RIMS2: variants seen among roughly 807,000 people sequenced by gnomAD.
RIMS2 encodes the protein regulating synaptic membrane exocytosis 2.
Under a neutral mutation model 174.4 loss-of-function variants are expected in RIMS2, and 59 were observed. The ratio of observed to expected loss-of-function variants is 0.34; its 90% CI spans 0.27 to 0.42. The LOEUF is 0.42. Among genes scored for constraint, RIMS2 ranks in the 10% least tolerant of loss-of-function variants. RIMS2 has a pLI of 1.00. For missense variants in RIMS2, 1,620 were observed against 1,666.3 expected, an observed-to-expected ratio of 0.97 and a Z score of 0.48; for synonymous variants, 606 against 572.5, an observed-to-expected ratio of 1.06 and a Z score of -0.84.
intron 19 of RIMS2, among the ~76,000 whole-genome samples, chr8:104,213,712 A>G (rs2099115912): frequency 6.6e-6 from 1 of 152,104 alleles, no homozygotes; most frequent in Non-Finnish European, 1.5e-5. Context: ...CCCCGTCTCT[A>G]CTAAAAATAC....
chr8:103,614,497 G>C (rs2095460986), intron 1 of RIMS2, among the ~76,000 whole-genome samples: 1 of 152,226 alleles, frequency 6.6e-6, no homozygotes, highest in African/African-American at 2.4e-5. Context: ...GCCAGTTACT[G>C]TGATTGCTCA....
At chr8:103,780,490 C>T (rs1048716124) in intron 3 of RIMS2, among the ~76,000 whole-genome samples, 9 of 151,996 alleles carry the variant, frequency 5.9e-5, no homozygotes, top group African/African-American at 2.2e-4. Context: ...TCAAGCTCTC[C>T]GATTCTTTCC....
chr8:103,931,522 G>T, intron 12 of RIMS2, 129 bp downstream of exon 14: 1 of 553,810 alleles, frequency 1.8e-6, no homozygotes. Context: ...ACATAAACGT[G>T]ATGTTCTTAG....
chr8:103,920,843 CAA>C, intron 9 of RIMS2: 1 of 345,232 alleles, frequency 2.9e-6, no homozygotes, highest in African/African-American at 2.3e-5. Context: ...AAAAAAAATA[CAA>C]AAAATTATCC....
At chr8:104,077,723 A>G (rs1382886045) in intron 19 of RIMS2, among the ~76,000 whole-genome samples, 4 of 145,024 alleles carry the variant, frequency 2.8e-5, no homozygotes, top group African/African-American at 1.0e-4. Context: ...GTGTATGTGT[A>G]AACACAGATG....
At chr8:103,554,525 C>G (rs1056806109) in intron 1 of RIMS2, among the ~76,000 whole-genome samples, 3 of 152,204 alleles carry the variant, frequency 2.0e-5, no homozygotes, top group African/African-American at 4.8e-5. Context: ...ATTAAAAGGT[C>G]AAAGAGTAAC....
At chr8:103,577,303 G>C (rs1053802664) in intron 1 of RIMS2, among the ~76,000 whole-genome samples, 4 of 152,170 alleles carry the variant, frequency 2.6e-5, no homozygotes, top group Non-Finnish European at 1.5e-5. Context: ...CATCTATGCA[G>C]CCAACAGACA....
intron 19 of RIMS2, among the ~76,000 whole-genome samples, chr8:104,153,446 A>C (rs1262822413): frequency 6.6e-6 from 1 of 152,202 alleles, no homozygotes; most frequent in Non-Finnish European, 1.5e-5. Context: ...AAAGTACATT[A>C]AAATCACATG....
chr8:104,212,890 G>A (rs2099111609), intron 19 of RIMS2, among the ~76,000 whole-genome samples: 1 of 152,194 alleles, frequency 6.6e-6, no homozygotes, highest in Non-Finnish European at 1.5e-5. Context: ...AGAAATGGTT[G>A]AGTATGGTGG....
chr8:103,821,792 C>T (rs1381831282), intron 3 of RIMS2, among the ~76,000 whole-genome samples: 1 of 151,438 alleles, frequency 6.6e-6, no homozygotes, highest in Non-Finnish European at 1.5e-5. Flanking sequence ...AGACTTTCCA[C>T]TTTAGTATAG....
At chr8:103,756,393 T>G (rs922565625) in intron 2 of RIMS2, among the ~76,000 whole-genome samples, 3 of 150,824 alleles carry the variant, frequency 2.0e-5, no homozygotes, top group African/African-American at 7.3e-5. Flanking sequence ...TGTTTTTGTT[T>G]TTTTTTTTTT....
intron 3 of RIMS2, among the ~76,000 whole-genome samples, chr8:103,814,215 T>A (rs2098705241): frequency 6.6e-6 from 1 of 151,946 alleles, no homozygotes; most frequent in Admixed American, 6.6e-5. Flanking sequence ...CGTGGACACA[T>A]AGAGGGGAAC....
intron 3 of RIMS2, chr8:103,768,694 A>G (rs2098210838): frequency 1.3e-6 from 1 of 773,500 alleles, no homozygotes; most frequent in Non-Finnish European, 2.4e-6. Flanking sequence ...CAAAAGAGCT[A>G]GCAGAATCCA....
chr8:103,828,453 GT>G (rs976201371), intron 3 of RIMS2, among the ~76,000 whole-genome samples: 1 of 152,060 alleles, frequency 6.6e-6, no homozygotes, highest in African/African-American at 2.4e-5. Context: ...TTGTTAATTT[GT>G]TTAAGTTCCT....
intron 1 of RIMS2, among the ~76,000 whole-genome samples, chr8:103,625,359 G>C (rs993375107): frequency 1.3e-5 from 2 of 152,098 alleles, no homozygotes; most frequent in African/African-American, 4.8e-5. Context: ...TCACATTCTG[G>C]TTGAAGAGCT....
chr8:103,822,942 C>T (rs1017292865), intron 3 of RIMS2, among the ~76,000 whole-genome samples: 2 of 151,832 alleles, frequency 1.3e-5, no homozygotes, highest in Admixed American at 6.6e-5. Flanking sequence ...AATATTGAGA[C>T]GCTAGAAGAT....
intron 1 of RIMS2, among the ~76,000 whole-genome samples, chr8:103,551,194 T>C (rs1391648205): frequency 6.6e-6 from 1 of 151,992 alleles, no homozygotes; most frequent in African/African-American, 2.4e-5. Context: ...GATGCAAAAA[T>C]CCTCAATACA....
At chr8:104,023,892 G>C (rs2096179141) in intron 19 of RIMS2, among the ~76,000 whole-genome samples, 1 of 152,088 alleles carries the variant, frequency 6.6e-6, no homozygotes, top group Non-Finnish European at 1.5e-5. Context: ...GAAAAAAGTG[G>C]GAGAAGAGGG....
intron 3 of RIMS2, among the ~76,000 whole-genome samples, chr8:103,781,603 A>G (rs1034368235): frequency 2.6e-5 from 4 of 152,150 alleles, no homozygotes; most frequent in East Asian, 1.9e-4. Context: ...TCTTGTTTCC[A>G]TAATTACTCA....
Sources: allele counts gnomAD v4.1 joint callset (sites outside exome capture counted in the v4.1 genomes callset), GRCh38; gene constraint gnomAD v4.1.1; transcripts MANE v1.5; gene names NCBI Gene and HGNC (gene_info 2026-07-23, HGNC 2026-07-21).